Variants in TUFT1 observed in about 807,000 individuals in gnomAD.
TUFT1 encodes the protein tuftelin.
TUFT1 carries 43 observed loss-of-function variants against 57.8 expected under a neutral mutation model. The observed-to-expected ratio is 0.74, with a 90% CI of 0.58 to 0.96. TUFT1 has a LOEUF of 0.96. TUFT1 is among the 40% of genes least tolerant of loss of function. The pLI is 0.00. For synonymous variants in TUFT1, 166 were observed against 176.7 expected (o/e 0.94, Z 0.48); for missense variants, 459 against 489.0 (o/e 0.94, Z 0.58).
At chr1:151,578,685 G>C (rs1019527935) in intron 9 of TUFT1, 36 bp from the exon 10 acceptor site, 8 of 1,514,500 alleles carry the variant, frequency 5.3e-6, no homozygotes, top group Non-Finnish European at 7.1e-6. Context: ...AAGTGATCTT[G>C]TTCCATTGCC....
At chr1:151,561,804 G>A (rs965696742) in intron 1 of TUFT1, 14 of 1,416,514 alleles carry the variant, frequency 9.9e-6, no homozygotes, top group African/African-American at 1.4e-5. Flanking sequence ...TGTGTTCCCT[G>A]TAGTCCAAGA....
intron 9 of TUFT1, among the ~76,000 whole-genome samples, chr1:151,577,075 A>G (rs749993762): frequency 3.9e-5 from 6 of 152,134 alleles, no homozygotes; most frequent in Non-Finnish European, 5.9e-5. Flanking sequence ...CCCCTGGCCA[A>G]CATTTCACTT....
At chr1:151,573,561 A>G (rs1277806560) in intron 7 of TUFT1, among the ~76,000 whole-genome samples, 8 of 152,180 alleles carry the variant, frequency 5.3e-5, no homozygotes, top group African/African-American at 1.7e-4. Flanking sequence ...CCTGACCAAC[A>G]TGGATAAACC....
At chr1:151,575,330 G>C (rs2102554032) in intron 9 of TUFT1, among the ~76,000 whole-genome samples, 1 of 152,322 alleles carries the variant, frequency 6.6e-6, no homozygotes, top group Admixed American at 6.5e-5. Context: ...TAGTGCAGTG[G>C]ATATGTTATG....
chr1:151,575,040 G>A, intron 9 of TUFT1, 35 bp downstream of exon 9: 1 of 1,539,264 alleles, frequency 6.5e-7, no homozygotes, highest in Non-Finnish European at 8.8e-7. Flanking sequence ...GTGAAGTTGG[G>A]TTGCAGGGAG....
chr1:151,578,704 C>T lies in TUFT1; in HGVS notation c.819-17C>T, dbSNP rs761174113. 5.8e-6 allele frequency: 9 copies of T among 1,546,044 alleles called. No individual in the cohort carries two copies. In the South Asian group the frequency reaches 8.3e-5, roughly 14 times the overall value. On this transcript the variant is annotated splice_polypyrimidine_tract_variant and intron_variant, in intron 9 of 12. Transcript: ENST00000368849. ...GATCTTGTTCCATTGCCTCAGCCTT[C>T]TGGTCTTTATCCCCAGGGCTGCTAC...
At chr1:151,540,964 A>G (rs1233053398) in intron 1 of TUFT1, 1 of 153,540 alleles carries the variant, frequency 6.5e-6, no homozygotes, top group Non-Finnish European at 1.5e-5. Context: ...AGGGGACGGT[A>G]GGACTCAAAC....
intron 9 of TUFT1, among the ~76,000 whole-genome samples, chr1:151,577,752 G>A (rs891238727): frequency 5.9e-5 from 9 of 152,132 alleles, no homozygotes; most frequent in East Asian, 1.9e-4. Flanking sequence ...ACTGGGCATG[G>A]CGGCTCACAC....
At chr1:151,546,733 A>G (rs1558000677) in intron 1 of TUFT1, among the ~76,000 whole-genome samples, 1 of 152,138 alleles carries the variant, frequency 6.6e-6, no homozygotes, top group Non-Finnish European at 1.5e-5. Flanking sequence ...ATAATATTCC[A>G]TTATTTAGAT....
chr1:151,545,330 C>T (rs972227873), intron 1 of TUFT1, among the ~76,000 whole-genome samples: 1 of 152,126 alleles, frequency 6.6e-6, no homozygotes, highest in Non-Finnish European at 1.5e-5. Context: ...AAAAAAAGAG[C>T]ATGGCTCTGG....
At position 151,582,497 on chromosome 1, in the gene TUFT1, G is replaced by A. The variant is rs1463830935; in HGVS notation, c.*790G>A. On this transcript the variant is annotated 3_prime_UTR_variant, in exon 13 of 13. Coordinates refer to ENST00000368849, the MANE Select transcript of TUFT1 (RefSeq NM_020127.3). ...AGAGCCTGAAAACTGTTTTCACTGG[G>A]TTCCACCAGTCCCAGCAAAATCCTC... is the stretch of plus-strand genomic sequence containing the variant. 3 of 243,612 alleles carry A rather than the reference G, an allele frequency of 1.2e-5. No homozygotes were observed. Among genetic ancestry groups the A allele is most frequent in the Admixed American group, 1.0e-4 (2 of 19,358 alleles). The allele number at this position is 243,612 out of a possible 1,614,324, so 15.1% of individuals were successfully genotyped here. A position where few individuals can be genotyped will look rare whatever the true frequency, so the allele number is the denominator to read the frequency against.
At position 151,579,641 on chromosome 1, in the gene TUFT1, C is replaced by T. The variant is rs1310279037; in HGVS notation, c.925-8C>T. The T allele has an allele frequency of 6.2e-7, 1 of 1,613,788 alleles. No individual in the cohort carries two copies. Among genetic ancestry groups the T allele is most frequent in the South Asian group, 1.1e-5 (1 of 90,974 alleles). On this transcript the variant is annotated splice_polypyrimidine_tract_variant and splice_region_variant and intron_variant, in intron 10 of 12. Coordinates refer to ENST00000368849, the MANE Select transcript of TUFT1 (RefSeq NM_020127.3). ...AAATGAGCTCCAGTGTCTCCCACAC[C>T]TTTGCAGCTCCAGAATTCAAAAGCT...
At chr1:151,559,686 G>A (rs1333640358) in intron 1 of TUFT1, among the ~76,000 whole-genome samples, 1 of 152,178 alleles carries the variant, frequency 6.6e-6, no homozygotes, top group Admixed American at 6.5e-5. Flanking sequence ...GAAGGTTTAA[G>A]GGCCATTGTG....
intron 12 of TUFT1, among the ~76,000 whole-genome samples, chr1:151,581,406 T>A (rs1204440767): frequency 6.6e-6 from 1 of 152,210 alleles, no homozygotes; most frequent in East Asian, 1.9e-4. Flanking sequence ...ACTTCTCAGT[T>A]GTTTAACTGC....
At chr1:151,564,017 T>C (rs375002967) in intron 4 of TUFT1, 27 bp downstream of exon 4, 2 of 1,544,074 alleles carry the variant, frequency 1.3e-6, no homozygotes, top group Non-Finnish European at 8.9e-7. Flanking sequence ...TCTCACGCAG[T>C]GCCTAGGTCA....
At chr1:151,580,296 A>G (rs542223971) in intron 11 of TUFT1, among the ~76,000 whole-genome samples, 3 of 152,346 alleles carry the variant, frequency 2.0e-5, no homozygotes, top group East Asian at 3.9e-4. Context: ...GTATTTTTAA[A>G]AAGACCAAAG....
At chr1:151,562,276 A>C in intron 2 of TUFT1, 111 bp downstream of exon 2, 19 of 925,662 alleles carry the variant, frequency 2.1e-5, no homozygotes, top group South Asian at 8.3e-5. Flanking sequence ...CGAGCGTGGG[A>C]GCCCCTCCTT....
chr1:151,570,248 G>A (rs1234132966), intron 7 of TUFT1, among the ~76,000 whole-genome samples: 1 of 152,178 alleles, frequency 6.6e-6, no homozygotes, highest in Admixed American at 6.5e-5. Context: ...CGAGTTGGAG[G>A]ATTTGGGCTC....
intron 10 of TUFT1, 31 bp downstream of exon 10, chr1:151,578,857 G>A (rs772829348): frequency 6.6e-6 from 10 of 1,512,114 alleles, no homozygotes; most frequent in South Asian, 2.4e-5. Context: ...ACCTGCCCTC[G>A]GGGAGTCACC....
Sources: gnomAD v4.1 joint callset for allele counts (sites outside exome capture counted in the v4.1 genomes callset) on GRCh38, gnomAD v4.1.1 for gene constraint, MANE v1.5 for transcripts, NCBI Gene and HGNC (gene_info 2026-07-23, HGNC 2026-07-21) for gene names.